The following ZBTB20 variants were observed in gnomAD, a reference collection of about 807,000 sequenced individuals.
ZBTB20 encodes zinc finger and BTB domain-containing protein 20.
A neutral mutation model predicts 56.9 loss-of-function variants in ZBTB20; 9 were observed. The ratio of observed to expected loss-of-function variants is 0.16; its 90% CI spans 0.10 to 0.28. The LOEUF is 0.28. Among genes scored for constraint, ZBTB20 ranks in the 10% least tolerant of loss-of-function variants. The pLI, the probability that ZBTB20 is intolerant of heterozygous loss-of-function variation, is 1.00. For missense variants in ZBTB20, 655 were observed against 1,003.0 expected, an observed-to-expected ratio of 0.65 and a Z score of 4.69; for synonymous variants, 417 against 420.7, an observed-to-expected ratio of 0.99 and a Z score of 0.11.
At chr3:115,035,544 AACACAC>A (rs111286494) in intron 2 of ZBTB20, among the ~76,000 whole-genome samples, 12 of 147,956 alleles carry the variant, frequency 8.1e-5, no homozygotes, top group African/African-American at 1.7e-4. Flanking sequence ...GCTACTATCA[AACACAC>A]ACACACACAC....
intron 6 of ZBTB20, among the ~76,000 whole-genome samples, chr3:114,511,134 T>C (rs960429490): frequency 6.6e-6 from 1 of 150,414 alleles, no homozygotes; most frequent in South Asian, 2.1e-4. Context: ...TTTAAAGTTA[T>C]GTGTATAGTA....
At chr3:114,960,732 C>A (rs1481821720) in intron 3 of ZBTB20, among the ~76,000 whole-genome samples, 1 of 152,078 alleles carries the variant, frequency 6.6e-6, no homozygotes, top group Non-Finnish European at 1.5e-5. Flanking sequence ...ATTCAAAATT[C>A]TAGACATCAT....
chr3:115,127,501 CA>C (rs1560592714), intron 1 of ZBTB20, among the ~76,000 whole-genome samples: 1 of 151,952 alleles, frequency 6.6e-6, no homozygotes, highest in African/African-American at 2.4e-5. Flanking sequence ...GGCTGAGGCA[CA>C]AAAATCACTT....
intron 6 of ZBTB20, among the ~76,000 whole-genome samples, chr3:114,548,688 T>G (rs2050203257): frequency 6.6e-6 from 1 of 151,944 alleles, no homozygotes; most frequent in Admixed American, 6.6e-5. Context: ...CCAGGTAATT[T>G]TTGTATTTTT....
intron 6 of ZBTB20, among the ~76,000 whole-genome samples, chr3:114,573,352 C>G: frequency 6.6e-6 from 1 of 151,330 alleles, no homozygotes; most frequent in South Asian, 2.1e-4. Flanking sequence ...CCCAGCTACT[C>G]GGGAGGCTGT....
At chr3:114,753,432 T>TATATACACAC (rs1205435166) in intron 5 of ZBTB20, among the ~76,000 whole-genome samples, 1 of 43,528 alleles carries the variant, frequency 2.3e-5, no homozygotes, top group South Asian at 8.2e-4. Flanking sequence ...TATATATATA[T>TATATACACAC]ACACACACAC....
intron 7 of ZBTB20, among the ~76,000 whole-genome samples, chr3:114,473,905 GATAA>G (rs1285399179): frequency 1.3e-5 from 2 of 152,168 alleles, no homozygotes; most frequent in Non-Finnish European, 2.9e-5. Flanking sequence ...GCACACTGCT[GATAA>G]ATACATACCC....
At chr3:114,667,474 C>A (rs889618781) in intron 6 of ZBTB20, among the ~76,000 whole-genome samples, 1 of 152,126 alleles carries the variant, frequency 6.6e-6, no homozygotes. Context: ...GCCCACCCTT[C>A]TGTTCTTCTT....
Position 114,351,105 on chromosome 3 carries a change from C to T in ZBTB20, c.973G>A (p.Gly325Ser). The T allele has an allele frequency of 6.2e-7, 1 of 1,608,824 alleles. No individual in the cohort carries two copies. Among genetic ancestry groups the T allele is most frequent in the Non-Finnish European group, 8.5e-7 (1 of 1,179,728 alleles). ...PRPVRIQTLV[G>S]NIHIKQEMED... The stretch of plus-strand genomic sequence containing the variant: ...ATCTCCTGCTTGATGTGGATGTTGC[C>T]CACTAGGGTCTGGATGCGCACAGGC... The change falls in exon 11 of 12, where the codon GGC becomes AGC. Residue 325 changes from glycine to serine, a missense_variant. By Grantham distance (56) the Gly-to-Ser change is moderately conservative. Transcript: ENST00000675478.
chr3:114,505,335 T>C (rs949003759), intron 6 of ZBTB20, among the ~76,000 whole-genome samples: 1 of 152,260 alleles, frequency 6.6e-6, no homozygotes, highest in Non-Finnish European at 1.5e-5. Context: ...GGAAAATAAG[T>C]AATCATAACT....
At chr3:114,749,620 GAATA>G (rs1236432884) in intron 5 of ZBTB20, among the ~76,000 whole-genome samples, 3 of 138,718 alleles carry the variant, frequency 2.2e-5, no homozygotes, top group South Asian at 2.4e-4. Flanking sequence ...AGGAAGGAAG[GAATA>G]AATTGGCTAT....
At chr3:114,698,771 T>C (rs1040925452) in intron 5 of ZBTB20, among the ~76,000 whole-genome samples, 1 of 152,196 alleles carries the variant, frequency 6.6e-6, no homozygotes, top group African/African-American at 2.4e-5. Context: ...TTCAGCCATC[T>C]GAGCTTAGAA....
intron 4 of ZBTB20, among the ~76,000 whole-genome samples, chr3:114,867,981 A>T (rs2075835405): frequency 6.6e-6 from 1 of 152,062 alleles, no homozygotes. Context: ...GTTTAGTTAG[A>T]TTTGGGGCCA....
intron 4 of ZBTB20, among the ~76,000 whole-genome samples, chr3:114,891,767 C>T (rs1576244709): frequency 6.6e-6 from 1 of 152,242 alleles, no homozygotes; most frequent in East Asian, 1.9e-4. Context: ...AAAAATCCAG[C>T]CAGGCGTGGT....
At chr3:115,109,220 G>C (rs538033172) in intron 1 of ZBTB20, among the ~76,000 whole-genome samples, 2 of 151,974 alleles carry the variant, frequency 1.3e-5, no homozygotes, top group Non-Finnish European at 2.9e-5. Context: ...TATATGTACA[G>C]TTTATATTTA....
intron 1 of ZBTB20, among the ~76,000 whole-genome samples, chr3:115,082,857 T>C (rs938369914): frequency 6.6e-6 from 1 of 152,008 alleles, no homozygotes; most frequent in Non-Finnish European, 1.5e-5. Context: ...CACACACATA[T>C]CTGCTCCTCT....
intron 6 of ZBTB20, among the ~76,000 whole-genome samples, chr3:114,606,673 T>C (rs901291729): frequency 2.6e-5 from 4 of 152,220 alleles, no homozygotes; most frequent in Non-Finnish European, 4.4e-5. Flanking sequence ...TACACTGCTC[T>C]ATCTTCACCT....
chr3:115,105,887 G>A (rs534442313), intron 1 of ZBTB20, among the ~76,000 whole-genome samples: 112 of 150,920 alleles, frequency 7.4e-4, no homozygotes, highest in Non-Finnish European at 9.9e-4. Context: ...GTGCAATCTC[G>A]GCTCACTGCA....
At chr3:114,525,649 T>C (rs553711066) in intron 6 of ZBTB20, among the ~76,000 whole-genome samples, 1 of 152,322 alleles carries the variant, frequency 6.6e-6, no homozygotes, top group Non-Finnish European at 1.5e-5. Context: ...TATTCTTACC[T>C]TTTCACTTTA....
Sources: gnomAD v4.1 joint callset for allele counts (sites outside exome capture counted in the v4.1 genomes callset) on GRCh38, gnomAD v4.1.1 for gene constraint, MANE v1.5 for transcripts, NCBI Gene and HGNC (gene_info 2026-07-23, HGNC 2026-07-21) for gene names.